The following PCDHGA2 variants were observed in gnomAD, a reference collection of about 807,000 sequenced individuals.
The protein encoded by PCDHGA2 is protocadherin gamma-A2.
Under a neutral mutation model 59.2 loss-of-function variants are expected in PCDHGA2, and 40 were observed. The ratio of observed to expected loss-of-function variants is 0.68; its 90% CI spans 0.52 to 0.88. The LOEUF (loss-of-function observed/expected upper bound fraction) is 0.88, where lower values mean the gene tolerates loss of function less well. Ranked by LOEUF, PCDHGA2 falls within the 40% of genes least tolerant of loss-of-function variation. The pLI is 0.00. For missense variants in PCDHGA2, 1,226 were observed against 1,204.0 expected, an observed-to-expected ratio of 1.02 and a Z score of -0.27; for synonymous variants, 560 against 526.0, an observed-to-expected ratio of 1.06 and a Z score of -0.89.
intron 1 of PCDHGA2, chr5:141,408,115 C>A (rs2095044760): frequency 9.6e-6 from 14 of 1,461,430 alleles, no homozygotes; most frequent in South Asian, 2.9e-5. Flanking sequence ...GGGACTCCTC[C>A]TGTCCTGGGC....
At chr5:141,374,687 C>A in intron 1 of PCDHGA2, 1 of 1,609,446 alleles carries the variant, frequency 6.2e-7, no homozygotes, top group Non-Finnish European at 8.5e-7. Flanking sequence ...CACACTGGAC[C>A]GGGAAGGAGA....
At chr5:141,365,972 C>A (rs1287343424) in intron 1 of PCDHGA2, 1 of 1,614,232 alleles carries the variant, frequency 6.2e-7, no homozygotes, top group Admixed American at 1.7e-5. Context: ...CAACGTGTCG[C>A]TGAGCCTGTT....
In PCDHGA2 at chr5:141,490,639, C is replaced by T. The variant is rs1345892739; in HGVS notation, c.2425-4168C>T. 25 of 1,614,200 alleles carry T rather than the reference C, an allele frequency of 1.5e-5. No homozygotes were observed. Among genetic ancestry groups the T allele is most frequent in the East Asian group, 2.2e-5 (1 of 44,878 alleles). ...TTACACTGCTTACATCCTAGAAAAC[C>T]GGCCTCCGGGCTCCCTTCTTTGCAC... On this transcript the variant is annotated intron_variant, in intron 1 of 3. Transcript: ENST00000394576. This position sits in a 1 kb window ranked among gnomAD's most constrained non-coding sequence, Gnocchi z 5.4.
chr5:141,417,893 G>T (rs766340497), intron 1 of PCDHGA2: 2 of 1,572,670 alleles, frequency 1.3e-6, no homozygotes, highest in Admixed American at 1.9e-5. Flanking sequence ...GCGCCGGGCC[G>T]GCCCGCGGCA....
chr5:141,361,600 T>C, intron 1 of PCDHGA2: 1 of 1,614,024 alleles, frequency 6.2e-7, no homozygotes, highest in Non-Finnish European at 8.5e-7. Context: ...CCAAGTTTCC[T>C]ACTCCATCGT....
At chr5:141,426,720 A>T (rs1448232477) in intron 1 of PCDHGA2, 4 of 447,600 alleles carry the variant, frequency 8.9e-6, no homozygotes, top group Non-Finnish European at 1.8e-5. Flanking sequence ...TGAACTAGCA[A>T]TTCCAGGCAT....
chr5:141,497,237 T>C (rs933112169), intron 2 of PCDHGA2, among the ~76,000 whole-genome samples: 3 of 152,038 alleles, frequency 2.0e-5, no homozygotes, highest in Non-Finnish European at 4.4e-5. Context: ...AGAAGGCTTC[T>C]AGGAGGAGGT....
At chr5:141,389,315 G>A (rs1257183989) in intron 1 of PCDHGA2, 2 of 1,613,866 alleles carry the variant, frequency 1.2e-6, no homozygotes, top group African/African-American at 1.3e-5. Flanking sequence ...CTTCTGATCC[G>A]GACTTGGGGC....
At chr5:141,360,584 CA>C (rs1475188649) in intron 1 of PCDHGA2, 7 of 1,613,944 alleles carry the variant, frequency 4.3e-6, no homozygotes, top group Non-Finnish European at 5.1e-6. Context: ...AAGCCAGGTA[CA>C]ACATTTCCAC....
chr5:141,406,906 C>T (rs1186250719), intron 1 of PCDHGA2, among the ~76,000 whole-genome samples: 1 of 152,048 alleles, frequency 6.6e-6, no homozygotes, highest in Non-Finnish European at 1.5e-5. Flanking sequence ...CTGTTTTTAG[C>T]TATAAGGAAG....
intron 1 of PCDHGA2, chr5:141,420,437 T>G (rs2096496377): frequency 4.5e-6 from 5 of 1,109,618 alleles, no homozygotes; most frequent in Admixed American, 3.7e-5. Context: ...TTAAATTAAA[T>G]GCCTCAGTCT....
At chr5:141,377,766 G>A (rs950570647) in intron 1 of PCDHGA2, 4 of 152,130 alleles carry the variant, frequency 2.6e-5, no homozygotes, top group African/African-American at 9.7e-5. Flanking sequence ...CCAGATCTTT[G>A]GTGTTAAAAG....
At chr5:141,350,262 T>C (rs539867344) in intron 1 of PCDHGA2, 3 of 1,510,436 alleles carry the variant, frequency 2.0e-6, no homozygotes, top group Admixed American at 2.3e-5. Context: ...GTTCCTGAAA[T>C]GCAGAGAGCC....
intron 1 of PCDHGA2, chr5:141,422,964 G>A: frequency 1.2e-6 from 2 of 1,614,190 alleles, no homozygotes; most frequent in Non-Finnish European, 1.7e-6. Flanking sequence ...TGGAGCTGGC[G>A]CCCCGCTCTG....
intron 1 of PCDHGA2, chr5:141,417,666 G>C (rs1487166683): frequency 3.1e-5 from 28 of 917,486 alleles, no homozygotes; most frequent in Non-Finnish European, 4.2e-5. Context: ...GGGATTCCCT[G>C]CGCAGCCAAC....
At chr5:141,365,299 T>A (rs777540442) in intron 1 of PCDHGA2, 1 of 1,614,002 alleles carries the variant, frequency 6.2e-7, no homozygotes. Flanking sequence ...TAGCTCAGGA[T>A]GGAGGCGCTC....
In PCDHGA2 at chr5:141,418,814, A is replaced by G. The variant is rs2096290321; in HGVS notation, c.2425-75993A>G. ...AGAAGTAGAAAGATATACGATAAACATAGAAGCAAAAGACCGAGGATCTCT... is the reference window on the plus strand; with the variant it reads ...AGAAGTAGAAAGATATACGATAAACGTAGAAGCAAAAGACCGAGGATCTCT... On this transcript the variant is annotated intron_variant, in intron 1 of 3. Transcript: ENST00000394576. The G allele has an allele frequency of 6.2e-7, 1 of 1,613,962 alleles. No individual in the cohort carries two copies.
chr5:141,423,488 ATTC>A, intron 1 of PCDHGA2: 1 of 1,613,954 alleles, frequency 6.2e-7, no homozygotes, highest in Non-Finnish European at 8.5e-7. Flanking sequence ...CTGCAAACCT[ATTC>A]CCACGAGGTC....
chr5:141,505,779 T>G (rs1420143439), intron 3 of PCDHGA2, among the ~76,000 whole-genome samples: 1 of 139,496 alleles, frequency 7.2e-6, no homozygotes, highest in Non-Finnish European at 1.6e-5. Flanking sequence ...GTCCTAGCTC[T>G]GCTACTATCC....
Sources: allele counts gnomAD v4.1 joint callset (sites outside exome capture counted in the v4.1 genomes callset), GRCh38; gene constraint gnomAD v4.1.1; non-coding constraint Gnocchi (gnomAD v3.1); transcripts MANE v1.5; gene names NCBI Gene and HGNC (gene_info 2026-07-23, HGNC 2026-07-21).